TRDN: variants seen among roughly 807,000 people sequenced by gnomAD.
TRDN encodes the protein triadin in skeletal muscle.
A neutral mutation model predicts 149.7 loss-of-function variants in TRDN; 161 were observed. The ratio of observed to expected loss-of-function variants is 1.08; its 90% CI spans 0.95 to 1.23. TRDN has a LOEUF of 1.23. Among genes scored for constraint, TRDN ranks in the 50% most tolerant of loss-of-function variants. The pLI is 0.00. For synonymous variants in TRDN, 294 were observed against 250.5 expected (o/e 1.17, Z -1.64); for missense variants, 896 against 823.5 (o/e 1.09, Z -1.08).
In TRDN at chr6:123,634,369, A is replaced by G. The variant is rs1056682377; in HGVS notation, c.22+2385T>C. ...GGTAGAAAGATTGCTGGAACCCAGG[A>G]GTTTGAGACTGCAGTGAGCTATGAT... On this transcript the variant is annotated intron_variant, in intron 1 of 40. Coordinates refer to ENST00000334268, the MANE Select transcript of TRDN (RefSeq NM_006073.4). 5.3e-5 allele frequency among the ~76,000 whole-genome samples: 8 copies of G among 152,040 alleles called. No individual in the cohort carries two copies. The East Asian group carries it at 1.2e-3, about 22-fold the overall frequency.
chr6:123,267,774 A>G, intron 31 of TRDN, 23 bp from the exon 32 acceptor site: 1 of 1,553,100 alleles, frequency 6.4e-7, no homozygotes, highest in Non-Finnish European at 8.7e-7. Context: ...ATCAAAATTC[A>G]CTGGCAATCT....
intron 2 of TRDN, among the ~76,000 whole-genome samples, 178 bp from the exon 3 acceptor site, chr6:123,548,790 T>TATGC: frequency 6.6e-6 from 1 of 152,058 alleles, no homozygotes; most frequent in East Asian, 1.9e-4. Flanking sequence ...CTTGCTATAA[T>TATGC]ATGCATGCAT....
intron 20 of TRDN, among the ~76,000 whole-genome samples, chr6:123,358,499 T>G (rs1020587435): frequency 4.6e-5 from 7 of 151,936 alleles, no homozygotes; most frequent in African/African-American, 1.7e-4. Flanking sequence ...AGTTTTGCAT[T>G]TGTCGCCCAG....
chr6:123,421,759 A>C (rs1361846398), intron 12 of TRDN: 2 of 139,284 alleles, frequency 1.4e-5, no homozygotes, highest in Non-Finnish European at 1.5e-5. Context: ...GCTTAAGTTT[A>C]GGAGTTTGAT....
chr6:123,257,535 G>A (rs1419319619), intron 35 of TRDN, among the ~76,000 whole-genome samples: 1 of 152,068 alleles, frequency 6.6e-6, no homozygotes, highest in Non-Finnish European at 1.5e-5. Flanking sequence ...ATGCTGTTTT[G>A]GTTACTGTAG....
At chr6:123,522,629 T>A (rs540905185) in intron 5 of TRDN, among the ~76,000 whole-genome samples, 1 of 151,912 alleles carries the variant, frequency 6.6e-6, no homozygotes, top group African/African-American at 2.4e-5. Context: ...TACAGAAAGT[T>A]TTTGTTTTAG....
chr6:123,376,482 G>A (rs1781510819), intron 18 of TRDN, among the ~76,000 whole-genome samples: 1 of 152,046 alleles, frequency 6.6e-6, no homozygotes, highest in South Asian at 2.1e-4. Flanking sequence ...CCATCATCAA[G>A]CGCCCAATGT....
intron 21 of TRDN, chr6:123,350,839 T>A: frequency 1.0e-6 from 1 of 984,050 alleles, no homozygotes; most frequent in Non-Finnish European, 1.2e-6. Context: ...GAGCCTAAGC[T>A]TTAATAAGAT....
chr6:123,532,353 G>A (rs1323769719), intron 4 of TRDN, among the ~76,000 whole-genome samples: 1 of 151,928 alleles, frequency 6.6e-6, no homozygotes, highest in Non-Finnish European at 1.5e-5. Context: ...ACCTAGAGTC[G>A]CTTGCAGGTA....
At chr6:123,603,564 A>G (rs765175301) in intron 1 of TRDN, among the ~76,000 whole-genome samples, 1 of 152,080 alleles carries the variant, frequency 6.6e-6, no homozygotes, top group Non-Finnish European at 1.5e-5. Context: ...TCTTTCATAC[A>G]TTCATTTATC....
At chr6:123,482,710 C>CT (rs1205867015) in intron 9 of TRDN, among the ~76,000 whole-genome samples, 2 of 152,062 alleles carry the variant, frequency 1.3e-5, no homozygotes, top group Non-Finnish European at 2.9e-5. Flanking sequence ...CAATATTGTA[C>CT]TTTTTTCATA....
intron 16 of TRDN, 97 bp downstream of exon 16, chr6:123,381,273 G>A: frequency 8.5e-7 from 1 of 1,176,138 alleles, no homozygotes. Flanking sequence ...TAAAACATAG[G>A]AAAAGCGGAT....
At chr6:123,555,707 C>T (rs973174287) in intron 2 of TRDN, among the ~76,000 whole-genome samples, 3 of 152,096 alleles carry the variant, frequency 2.0e-5, no homozygotes, top group Non-Finnish European at 2.9e-5. Flanking sequence ...AAGAGAGGCT[C>T]ATTTTTTGAG....
chr6:123,520,305 G>A (rs982763470), intron 5 of TRDN, among the ~76,000 whole-genome samples: 1 of 152,058 alleles, frequency 6.6e-6, no homozygotes, highest in Non-Finnish European at 1.5e-5. Flanking sequence ...GAGCTGATAG[G>A]AATATAAGAA....
intron 1 of TRDN, among the ~76,000 whole-genome samples, chr6:123,618,796 A>T (rs1013407137): frequency 6.6e-6 from 1 of 152,170 alleles, no homozygotes; most frequent in Non-Finnish European, 1.5e-5. Context: ...TGACAACCTT[A>T]GTTGAGAATC....
intron 1 of TRDN, chr6:123,583,963 A>T (rs369692883): frequency 1.6e-4 from 39 of 248,886 alleles, no homozygotes; most frequent in African/African-American, 4.6e-4. Flanking sequence ...TGAGAGGTTC[A>T]AAGAGGCGGG....
intron 12 of TRDN, chr6:123,437,430 G>A (rs1774631589): frequency 7.0e-6 from 2 of 284,802 alleles, no homozygotes; most frequent in Non-Finnish European, 1.3e-5. Flanking sequence ...AGGAGACAGG[G>A]TCTTCCTCTG....
At chr6:123,339,786 T>C (rs1354878870) in intron 21 of TRDN, among the ~76,000 whole-genome samples, 1 of 152,192 alleles carries the variant, frequency 6.6e-6, no homozygotes. Context: ...TGTTCTCAGC[T>C]GTTCTTTTTA....
At chr6:123,246,741 G>A (rs908111350) in intron 38 of TRDN, among the ~76,000 whole-genome samples, 1 of 150,722 alleles carries the variant, frequency 6.6e-6, no homozygotes, top group Non-Finnish European at 1.5e-5. Flanking sequence ...ATTTTATAAG[G>A]TATAAGGCCA....
Sources: allele counts gnomAD v4.1 joint callset (sites outside exome capture counted in the v4.1 genomes callset), GRCh38; gene constraint gnomAD v4.1.1; transcripts MANE v1.5; gene names NCBI Gene and HGNC (gene_info 2026-07-23, HGNC 2026-07-21).